The following LSAMP variants were observed in gnomAD, a reference collection of about 807,000 sequenced individuals.
LSAMP encodes limbic system-associated membrane protein.
Under a neutral mutation model 38.6 loss-of-function variants are expected in LSAMP, and 7 were observed. The observed-to-expected ratio is 0.18, with a 90% CI of 0.10 to 0.34. The LOEUF (loss-of-function observed/expected upper bound fraction) is 0.34. Ranked by LOEUF, LSAMP falls within the 10% of genes least tolerant of loss-of-function variation. LSAMP has a pLI of 1.00. For synonymous variants in LSAMP, 154 were observed against 166.8 expected, an observed-to-expected ratio of 0.92 and a Z score of 0.59; for missense variants, 313 against 420.0, an observed-to-expected ratio of 0.75 and a Z score of 2.23.
chr3:116,055,229 C>G (rs1941469722), intron 2 of LSAMP, among the ~76,000 whole-genome samples: 1 of 152,096 alleles, frequency 6.6e-6, no homozygotes, highest in South Asian at 2.1e-4. Context: ...AAATTCAAAA[C>G]TGATGGTGGT....
At chr3:116,039,474 A>G (rs916475747) in intron 2 of LSAMP, among the ~76,000 whole-genome samples, 4 of 152,184 alleles carry the variant, frequency 2.6e-5, no homozygotes, top group African/African-American at 7.2e-5. Context: ...AACAGCACAG[A>G]GTGTCTCTCC....
At chr3:116,239,068 T>C (rs1391028690) in intron 1 of LSAMP, among the ~76,000 whole-genome samples, 1 of 152,180 alleles carries the variant, frequency 6.6e-6, no homozygotes, top group South Asian at 2.1e-4. Context: ...AAACTATGAG[T>C]AGTAGACATG....
chr3:116,092,364 C>T (rs1708143419), intron 1 of LSAMP, among the ~76,000 whole-genome samples: 1 of 151,934 alleles, frequency 6.6e-6, no homozygotes, highest in African/African-American at 2.4e-5. Context: ...AATATCATCT[C>T]TAGGAACTAA....
chr3:116,007,861 A>G (rs543740383), intron 3 of LSAMP, among the ~76,000 whole-genome samples: 1 of 152,280 alleles, frequency 6.6e-6, no homozygotes, highest in South Asian at 2.1e-4. Context: ...GGGCATGTTA[A>G]GCTACATTTT....
At chr3:116,131,760 C>G (rs1354587856) in intron 1 of LSAMP, among the ~76,000 whole-genome samples, 1 of 151,882 alleles carries the variant, frequency 6.6e-6, no homozygotes, top group Non-Finnish European at 1.5e-5. Flanking sequence ...AATGATAAAC[C>G]CAACCCACAG....
At chr3:116,172,944 T>C (rs769557493) in intron 1 of LSAMP, among the ~76,000 whole-genome samples, 2 of 151,832 alleles carry the variant, frequency 1.3e-5, no homozygotes, top group African/African-American at 4.8e-5. Context: ...TGGGAAATGA[T>C]AGAATGAGAG....
In LSAMP at chr3:116,199,546, T is replaced by G. The variant is rs111726870; in HGVS notation, c.156-112990A>C. Among the ~76,000 whole-genome samples the G allele has an allele frequency of 4.3e-3, 650 of 152,318 alleles. 7 individuals are homozygous for G. The highest frequency in any genetic ancestry group is 0.015 in the African/African-American group (612 of 41,564). ...TAGCACAGAGTAGAAGTGTAAGCAC[T>G]AGTCTTAGCACCTAGTCTGCTAGGA... is the stretch of plus-strand genomic sequence containing the variant. On this transcript the variant is annotated intron_variant, in intron 1 of 6. Coordinates refer to ENST00000490035, the MANE Select transcript of LSAMP (RefSeq NM_002338.5).
chr3:115,982,419 T>C (rs1939388391), intron 3 of LSAMP, among the ~76,000 whole-genome samples: 1 of 152,190 alleles, frequency 6.6e-6, no homozygotes, highest in Non-Finnish European at 1.5e-5. Flanking sequence ...CTTAGTCTCA[T>C]AAGATACAGA....
At chr3:116,142,329 C>T (rs1709388802) in intron 1 of LSAMP, among the ~76,000 whole-genome samples, 1 of 151,972 alleles carries the variant, frequency 6.6e-6, no homozygotes. Context: ...CCTAGGCAAA[C>T]CCAGAAAGTA....
At chr3:116,408,242 G>A (rs76669884) in intron 1 of LSAMP, among the ~76,000 whole-genome samples, 3,872 of 152,144 alleles carry the variant, frequency 0.025, 75 homozygotes, top group Middle Eastern at 0.048. Context: ...TACAGTTATA[G>A]TGAATGTTAC....
At chr3:116,234,498 A>C (rs1479989184) in intron 1 of LSAMP, among the ~76,000 whole-genome samples, 1 of 68,254 alleles carries the variant, frequency 1.5e-5, no homozygotes, top group Non-Finnish European at 4.6e-5. Flanking sequence ...AAATTAATCT[A>C]CTTATTTATT....
intron 3 of LSAMP, among the ~76,000 whole-genome samples, chr3:115,884,368 T>C (rs1013499246): frequency 5.3e-5 from 8 of 151,954 alleles, no homozygotes; most frequent in Non-Finnish European, 7.4e-5. Flanking sequence ...TCTGATAGCT[T>C]TAAGATGGAC....
intron 2 of LSAMP, among the ~76,000 whole-genome samples, chr3:116,023,980 C>G (rs1009991566): frequency 6.6e-6 from 1 of 152,156 alleles, no homozygotes; most frequent in Non-Finnish European, 1.5e-5. Flanking sequence ...TTTCCCCTTT[C>G]AAATTTCAGC....
At chr3:116,147,876 T>C (rs1709524461) in intron 1 of LSAMP, among the ~76,000 whole-genome samples, 1 of 151,944 alleles carries the variant, frequency 6.6e-6, no homozygotes, top group Non-Finnish European at 1.5e-5. Context: ...CAGCTGACAA[T>C]TGCAAAATAG....
intron 1 of LSAMP, among the ~76,000 whole-genome samples, chr3:116,398,298 A>G (rs892664478): frequency 1.3e-5 from 2 of 152,168 alleles, no homozygotes; most frequent in East Asian, 3.9e-4. Context: ...CACATAAAAC[A>G]CTGTGGAAAG....
At chr3:115,939,587 T>TCTTTCTCTTTCTTTCTTTC (rs1553751094) in intron 3 of LSAMP, among the ~76,000 whole-genome samples, 5 of 151,208 alleles carry the variant, frequency 3.3e-5, no homozygotes, top group Admixed American at 6.6e-5. Flanking sequence ...TTTCTTTCTG[T>TCTTTCTCTTTCTTTCTTTC]TAAGAGACAG....
Position 116,382,491 on chromosome 3 carries a change from C to T in LSAMP, c.155+62386G>A, listed in dbSNP as rs35630638. 8.3e-3 allele frequency among the ~76,000 whole-genome samples: 1,208 copies of T among 145,080 alleles called. 6 individuals carry two copies. Among genetic ancestry groups the T allele is most frequent in the Non-Finnish European group, 0.014 (964 of 66,560 alleles). ...GACACAGGAAGGGGAACATCACACA[C>T]CGGGGCCTGTCATGGGGTCGGGGGA... On this transcript the variant is annotated intron_variant, in intron 1 of 6. Transcript: ENST00000490035.
At chr3:116,378,928 G>A (rs1462331347) in intron 1 of LSAMP, among the ~76,000 whole-genome samples, 1 of 150,532 alleles carries the variant, frequency 6.6e-6, no homozygotes, top group African/African-American at 2.4e-5. Context: ...AAGGGCAGAA[G>A]TAATGCATGT....
intron 3 of LSAMP, among the ~76,000 whole-genome samples, chr3:115,861,175 TTCC>T (rs1935683132): frequency 2.5e-5 from 3 of 121,036 alleles, no homozygotes; most frequent in East Asian, 2.9e-4. Context: ...CCTTCCTTCC[TTCC>T]TTCCTTCCTT....
Sources: allele counts gnomAD v4.1 joint callset (sites outside exome capture counted in the v4.1 genomes callset), GRCh38; gene constraint gnomAD v4.1.1; transcripts MANE v1.5; gene names NCBI Gene and HGNC (gene_info 2026-07-23, HGNC 2026-07-21).